Variants in GLIS3 observed in about 807,000 individuals in gnomAD.
GLIS3 encodes the protein GLIS family zinc finger 3, also known as zinc finger protein GLIS3.
GLIS3 carries 53 observed loss-of-function variants against 78.6 expected under a neutral mutation model. The ratio of observed to expected loss-of-function variants is 0.67; its 90% CI spans 0.54 to 0.85. The LOEUF (loss-of-function observed/expected upper bound fraction) is 0.85, where lower values mean the gene tolerates loss of function less well. Among genes scored for constraint, GLIS3 ranks in the 40% least tolerant of loss-of-function variants. The pLI is 0.00. For missense variants in GLIS3, 1,703 were observed against 1,231.1 expected, an observed-to-expected ratio of 1.38 and a Z score of -5.74; for synonymous variants, 684 against 509.9, an observed-to-expected ratio of 1.34 and a Z score of -4.60.
intron 9 of GLIS3, among the ~76,000 whole-genome samples, chr9:3,846,703 G>A (rs1187538098): frequency 6.6e-6 from 1 of 152,188 alleles, no homozygotes. Flanking sequence ...CCACAGGGCT[G>A]CCATGGCCCA....
chr9:4,220,183 G>A (rs2131328109), intron 2 of GLIS3, among the ~76,000 whole-genome samples: 1 of 152,230 alleles, frequency 6.6e-6, no homozygotes, highest in South Asian at 2.1e-4. Flanking sequence ...AAAAATCCAT[G>A]ACATATTATA....
At chr9:3,874,901 C>A (rs1821212598) in intron 8 of GLIS3, among the ~76,000 whole-genome samples, 1 of 152,198 alleles carries the variant, frequency 6.6e-6, no homozygotes, top group South Asian at 2.1e-4. Context: ...TGTGGTCAAT[C>A]CACAGGCCTC....
At chr9:4,011,191 T>C (rs1310610175) in intron 4 of GLIS3, among the ~76,000 whole-genome samples, 1 of 152,134 alleles carries the variant, frequency 6.6e-6, no homozygotes, top group Non-Finnish European at 1.5e-5. Flanking sequence ...CTACAGCAGA[T>C]GTTCAAATAA....
the GLIS3 span, among the ~76,000 whole-genome samples, chr9:4,418,573 C>T: frequency 3.3e-5 from 5 of 151,896 alleles, no homozygotes; most frequent in African/African-American, 1.2e-4. Flanking sequence ...GTGGCAGGTG[C>T]CTGTAATCCC....
chr9:4,070,205 A>G (rs1047731702), intron 4 of GLIS3, among the ~76,000 whole-genome samples: 2 of 152,118 alleles, frequency 1.3e-5, no homozygotes, highest in Non-Finnish European at 2.9e-5. Context: ...CGATTCTTCA[A>G]TTAGTTCACC....
rs747778773 is a variant in GLIS3, at chr9:3,846,895, G to A, written c.2473+9114C>T. 4.6e-4 allele frequency among the ~76,000 whole-genome samples: 70 copies of A among 152,278 alleles called. No homozygotes were observed. In the Middle Eastern group the frequency reaches 0.014, roughly 30 times the overall value. On this transcript the variant is annotated intron_variant, in intron 9 of 10. Transcript: ENST00000381971. ...GGTAAGCACTGGGTATTTAAAGATG[G>A]GGGCAGGGCCTGGCGAGGTGGCTCA...
chr9:3,869,064 T>C (rs549628548), intron 8 of GLIS3, among the ~76,000 whole-genome samples: 1 of 152,244 alleles, frequency 6.6e-6, no homozygotes, highest in Non-Finnish European at 1.5e-5. Flanking sequence ...GCAAGGCTTC[T>C]GTTGGTCTTA....
intron 2 of GLIS3, among the ~76,000 whole-genome samples, chr9:4,206,341 C>G (rs996567975): frequency 2.0e-5 from 3 of 152,316 alleles, no homozygotes; most frequent in African/African-American, 7.2e-5. Context: ...AAAAGACTGG[C>G]TTACACAGGA....
chr9:4,482,711 G>A, the GLIS3 span, among the ~76,000 whole-genome samples: 3 of 152,294 alleles, frequency 2.0e-5, no homozygotes, highest in African/African-American at 7.2e-5. Context: ...GTCTGTTGAT[G>A]TAACTTTTTG....
At chr9:4,353,551 T>C in the GLIS3 span, among the ~76,000 whole-genome samples, 1 of 152,270 alleles carries the variant, frequency 6.6e-6, no homozygotes, top group Middle Eastern at 3.4e-3. Context: ...TACTTGTGTG[T>C]TGACAGCAAA....
intron 2 of GLIS3, among the ~76,000 whole-genome samples, chr9:4,136,393 A>G (rs1395140917): frequency 6.6e-6 from 1 of 152,194 alleles, no homozygotes; most frequent in Non-Finnish European, 1.5e-5. Context: ...GTTAAATGAC[A>G]ATGAAGTTGG....
At chr9:4,061,227 C>A (rs1826629062) in intron 4 of GLIS3, among the ~76,000 whole-genome samples, 1 of 137,144 alleles carries the variant, frequency 7.3e-6, no homozygotes, top group Non-Finnish European at 1.6e-5. Context: ...CCCCCCACCC[C>A]ATGACAGGCC....
At chr9:4,466,338 C>T in the GLIS3 span, among the ~76,000 whole-genome samples, 1 of 152,104 alleles carries the variant, frequency 6.6e-6, no homozygotes, top group Non-Finnish European at 1.5e-5. Context: ...AAACTCCAGG[C>T]CCAGATGGCT....
intron 2 of GLIS3, among the ~76,000 whole-genome samples, chr9:4,223,776 T>C (rs1032626088): frequency 1.3e-5 from 2 of 152,312 alleles, no homozygotes; most frequent in Admixed American, 1.3e-4. Context: ...TACTGATTTT[T>C]TCTACATTTT....
At chr9:4,413,503 A>C in the GLIS3 span, among the ~76,000 whole-genome samples, 4 of 152,120 alleles carry the variant, frequency 2.6e-5, no homozygotes, top group Non-Finnish European at 5.9e-5. Context: ...ATTGTCTCAA[A>C]GCTGTGCAAG....
At chr9:4,098,601 C>T (rs765267757) in intron 4 of GLIS3, among the ~76,000 whole-genome samples, 5 of 152,208 alleles carry the variant, frequency 3.3e-5, no homozygotes, top group Non-Finnish European at 7.3e-5. Context: ...TATCCTACAA[C>T]TGTGCCTTAA....
chr9:4,480,670 A>G, the GLIS3 span, among the ~76,000 whole-genome samples: 6 of 152,176 alleles, frequency 3.9e-5, no homozygotes, highest in Non-Finnish European at 8.8e-5. Flanking sequence ...GCCTTGGCCT[A>G]CCGGGGCAAA....
At chr9:4,437,402 C>CTGTATGTATGTATGTATGTATGTA in the GLIS3 span, among the ~76,000 whole-genome samples, 32 of 124,334 alleles carry the variant, frequency 2.6e-4, 1 homozygote, top group South Asian at 9.5e-3. Flanking sequence ...AGGTATTTGA[C>CTGTATGTATGTATGTATGTATGTA]TGTATGTATG....
At chr9:4,467,891 A>G in the GLIS3 span, among the ~76,000 whole-genome samples, 1 of 152,202 alleles carries the variant, frequency 6.6e-6, no homozygotes, top group African/African-American at 2.4e-5. Flanking sequence ...AAAACCTTGA[A>G]AAAAGATTAG....
Sources: allele counts gnomAD v4.1 joint callset (sites outside exome capture counted in the v4.1 genomes callset), GRCh38; gene constraint gnomAD v4.1.1; transcripts MANE v1.5; gene names NCBI Gene and HGNC (gene_info 2026-07-23, HGNC 2026-07-21).